SCLT1: variants seen among roughly 807,000 people sequenced by gnomAD.
The protein encoded by SCLT1 is sodium channel and clathrin linker 1.
Under a neutral mutation model 112.8 loss-of-function variants are expected in SCLT1, and 78 were observed. The observed-to-expected ratio is 0.69, with a 90% CI of 0.58 to 0.83. SCLT1 has a LOEUF of 0.83. Among genes scored for constraint, SCLT1 ranks in the 40% least tolerant of loss-of-function variants. The pLI, the probability that SCLT1 is intolerant of heterozygous loss-of-function variation, is 0.00. For synonymous variants in SCLT1, 257 were observed against 254.7 expected, an observed-to-expected ratio of 1.01 and a Z score of -0.09; for missense variants, 747 against 770.4, an observed-to-expected ratio of 0.97 and a Z score of 0.36.
chr4:128,948,871 C>G (rs529229919), intron 14 of SCLT1, among the ~76,000 whole-genome samples: 8 of 152,236 alleles, frequency 5.3e-5, no homozygotes, highest in Admixed American at 5.2e-4. Flanking sequence ...TTTTCATATA[C>G]TCTTATCAAG....
intron 18 of SCLT1, among the ~76,000 whole-genome samples, chr4:128,919,810 A>C (rs1735743637): frequency 6.6e-6 from 1 of 152,148 alleles, no homozygotes; most frequent in African/African-American, 2.4e-5. Flanking sequence ...AGAAATGGAT[A>C]AATTCTTAGA....
At chr4:128,897,354 G>C (rs1321745427) in intron 18 of SCLT1, among the ~76,000 whole-genome samples, 1 of 152,078 alleles carries the variant, frequency 6.6e-6, no homozygotes, top group Non-Finnish European at 1.5e-5. Context: ...CCAGAAGAGA[G>C]TGGGGGCCAA....
intron 18 of SCLT1, among the ~76,000 whole-genome samples, chr4:128,935,070 C>G (rs1209407271): frequency 6.6e-6 from 1 of 151,574 alleles, no homozygotes; most frequent in East Asian, 1.9e-4. Flanking sequence ...TTGAAAAGAC[C>G]TTATGATTTT....
chr4:129,091,625 C>T (rs998521841), intron 1 of SCLT1, among the ~76,000 whole-genome samples: 4 of 152,046 alleles, frequency 2.6e-5, no homozygotes, highest in African/African-American at 4.8e-5. Context: ...AGAAATAATG[C>T]TAATGTTATT....
chr4:129,020,292 T>C (rs1203291578), intron 5 of SCLT1, among the ~76,000 whole-genome samples: 1 of 152,204 alleles, frequency 6.6e-6, no homozygotes, highest in Non-Finnish European at 1.5e-5. Context: ...CTCTTATATA[T>C]ATACTGGATA....
intron 5 of SCLT1, among the ~76,000 whole-genome samples, chr4:129,008,247 A>T (rs1744205617): frequency 6.6e-6 from 1 of 152,200 alleles, no homozygotes; most frequent in East Asian, 1.9e-4. Context: ...TTTTCATCTG[A>T]AAATGTACTT....
chr4:128,942,011 T>C lies in SCLT1; in HGVS notation c.1632+985A>G, dbSNP rs563517556. 7.9e-5 allele frequency among the ~76,000 whole-genome samples: 12 copies of C among 152,238 alleles called. 1 individual carries two copies. In the South Asian group the frequency reaches 2.5e-3, roughly 32 times the overall value. On this transcript the variant is annotated intron_variant, in intron 17 of 20. Coordinates refer to ENST00000281142, the MANE Select transcript of SCLT1 (RefSeq NM_144643.4). ...TTGCCATTGATCAAGTTGATTATTC[T>C]TATGTTGATAACACATTGTCTAAAT...
chr4:128,965,135 A>G (rs1454309660), intron 11 of SCLT1, 92 bp downstream of exon 11: 2 of 657,562 alleles, frequency 3.0e-6, no homozygotes, highest in African/African-American at 3.7e-5. Context: ...AGTTTATAAA[A>G]TATTTATTCT....
chr4:128,888,166 C>T (rs1307432564), intron 20 of SCLT1, among the ~76,000 whole-genome samples: 2 of 150,944 alleles, frequency 1.3e-5, no homozygotes, highest in Admixed American at 6.6e-5. Context: ...TAAATAGTGG[C>T]CTGTGGCTAG....
intron 5 of SCLT1, among the ~76,000 whole-genome samples, chr4:129,014,825 T>C (rs1207666021): frequency 6.6e-6 from 1 of 152,110 alleles, no homozygotes; most frequent in African/African-American, 2.4e-5. Context: ...TGTGGCAGAG[T>C]GCTAGTGGCT....
chr4:128,933,689 T>C (rs1736958292), intron 18 of SCLT1, among the ~76,000 whole-genome samples: 1 of 152,160 alleles, frequency 6.6e-6, no homozygotes, highest in Non-Finnish European at 1.5e-5. Context: ...ATACACGTTC[T>C]TAACGAGTAA....
intron 5 of SCLT1, among the ~76,000 whole-genome samples, chr4:129,005,648 C>T (rs1002463586): frequency 1.3e-5 from 2 of 152,042 alleles, no homozygotes; most frequent in African/African-American, 4.8e-5. Context: ...CCATTTGACC[C>T]AGCCATTGCA....
At chr4:129,040,094 C>G in intron 4 of SCLT1, 1 of 681,288 alleles carries the variant, frequency 1.5e-6, no homozygotes, top group South Asian at 1.5e-5. Flanking sequence ...GTTCTGCCAG[C>G]CTTTTTCTCT....
intron 1 of SCLT1, among the ~76,000 whole-genome samples, chr4:129,083,999 T>C (rs1561067722): frequency 6.6e-6 from 1 of 152,208 alleles, no homozygotes; most frequent in Non-Finnish European, 1.5e-5. Flanking sequence ...TCAAGATATA[T>C]TCATGATAAA....
At chr4:128,903,136 A>G (rs1354910709) in intron 18 of SCLT1, among the ~76,000 whole-genome samples, 1 of 152,214 alleles carries the variant, frequency 6.6e-6, no homozygotes, top group Non-Finnish European at 1.5e-5. Context: ...AGTATAGGAA[A>G]CACATAAACC....
At chr4:128,940,606 A>G (rs1458792099) in intron 17 of SCLT1, among the ~76,000 whole-genome samples, 2 of 152,002 alleles carry the variant, frequency 1.3e-5, no homozygotes, top group Non-Finnish European at 1.5e-5. Flanking sequence ...TATACACTAT[A>G]TGTCAAAAAT....
chr4:128,904,381 G>C (rs1436913038), intron 18 of SCLT1, among the ~76,000 whole-genome samples: 1 of 152,114 alleles, frequency 6.6e-6, no homozygotes, highest in Non-Finnish European at 1.5e-5. Flanking sequence ...CTTGCAAAAT[G>C]TAATTTCTGT....
chr4:128,988,290 G>T (rs1283217099), intron 9 of SCLT1, among the ~76,000 whole-genome samples: 5 of 151,938 alleles, frequency 3.3e-5, no homozygotes, highest in African/African-American at 1.2e-4. Context: ...CTTTTGAAGA[G>T]ATAGACAATA....
intron 5 of SCLT1, among the ~76,000 whole-genome samples, chr4:129,024,987 G>T (rs1745897699): frequency 6.6e-6 from 1 of 152,068 alleles, no homozygotes; most frequent in Admixed American, 6.5e-5. Context: ...AGCGAGAAGG[G>T]AAGTTTAGAG....
Sources: allele counts gnomAD v4.1 joint callset (sites outside exome capture counted in the v4.1 genomes callset), GRCh38; gene constraint gnomAD v4.1.1; transcripts MANE v1.5; gene names NCBI Gene and HGNC (gene_info 2026-07-23, HGNC 2026-07-21).